Variants in ANKFN1 observed in about 807,000 individuals in gnomAD.
The protein encoded by ANKFN1 is ankyrin repeat and fibronectin type III domain containing 1, also known as ankyrin repeat and fibronectin type-III domain-containing protein 1.
ANKFN1 carries 74 observed loss-of-function variants against 108.7 expected under a neutral mutation model. The ratio of observed to expected loss-of-function variants is 0.68; its 90% CI spans 0.56 to 0.83. ANKFN1 has a LOEUF of 0.83. Ranked by LOEUF, ANKFN1 falls within the 40% of genes least tolerant of loss-of-function variation. ANKFN1 has a pLI of 0.00. For synonymous variants in ANKFN1, 547 were observed against 516.2 expected (o/e 1.06, Z -0.81); for missense variants, 1,505 against 1,382.3 (o/e 1.09, Z -1.41).
chr17:56,376,052 A>G (rs1444843878), intron 8 of ANKFN1, among the ~76,000 whole-genome samples: 1 of 152,218 alleles, frequency 6.6e-6, no homozygotes, highest in African/African-American at 2.4e-5. Flanking sequence ...CTAAAAGCTG[A>G]TAAAGCTCTC....
intron 3 of ANKFN1, among the ~76,000 whole-genome samples, chr17:56,300,082 T>C (rs2044630276): frequency 6.6e-6 from 1 of 152,212 alleles, no homozygotes; most frequent in Non-Finnish European, 1.5e-5. Flanking sequence ...TTAGACCTCA[T>C]GGAGCTCCGT....
At chr17:56,202,838 A>T (rs544885995) in intron 1 of ANKFN1, among the ~76,000 whole-genome samples, 2 of 152,390 alleles carry the variant, frequency 1.3e-5, no homozygotes, top group Non-Finnish European at 2.9e-5. Flanking sequence ...AAGAATGCTC[A>T]TTATCATCCA....
intron 20 of ANKFN1, among the ~76,000 whole-genome samples, chr17:56,506,055 T>C (rs1407839166): frequency 6.6e-6 from 1 of 152,122 alleles, no homozygotes; most frequent in Admixed American, 6.5e-5. Context: ...TTTTTTTTGT[T>C]TGTTTGTTTA....
intron 1 of ANKFN1, among the ~76,000 whole-genome samples, chr17:56,157,490 A>T (rs1391996325): frequency 6.6e-6 from 1 of 152,176 alleles, no homozygotes; most frequent in Non-Finnish European, 1.5e-5. Flanking sequence ...ATTCCCAGAG[A>T]CCACAGTTCA....
In ANKFN1 at chr17:56,189,744, C is replaced by A. The variant is rs373501204; in HGVS notation, c.-70-22854C>A. On this transcript the variant is annotated intron_variant, in intron 1 of 20. Coordinates refer to ENST00000682825, the MANE Select transcript of ANKFN1 (RefSeq NM_001370326.1). ...CAGGTTTCAGATATTAGGACTTGGA[C>A]ATCTTTGAGGGGGCTATGATTCAGC... is the stretch of plus-strand genomic sequence containing the variant. Among the ~76,000 whole-genome samples, 40 of 152,256 alleles carry A rather than the reference C, an allele frequency of 2.6e-4. No individual in the cohort carries two copies. The South Asian group carries it at 6.0e-3, about 23-fold the overall frequency.
At chr17:56,305,260 C>T (rs1808323689) in intron 3 of ANKFN1, among the ~76,000 whole-genome samples, 1 of 152,184 alleles carries the variant, frequency 6.6e-6, no homozygotes, top group Non-Finnish European at 1.5e-5. Context: ...CACTGGCTCC[C>T]TCCCATGACA....
chr17:56,387,997 T>C (rs777748317), intron 8 of ANKFN1, among the ~76,000 whole-genome samples: 3 of 152,208 alleles, frequency 2.0e-5, no homozygotes, highest in Non-Finnish European at 4.4e-5. Flanking sequence ...GAAAAGCTTA[T>C]AATGAAAAAT....
intron 8 of ANKFN1, among the ~76,000 whole-genome samples, chr17:56,431,363 G>A (rs2048748612): frequency 6.6e-6 from 1 of 152,154 alleles, no homozygotes; most frequent in Non-Finnish European, 1.5e-5. Context: ...GAAGCTGGTG[G>A]ATTTTCATTA....
chr17:56,161,719 GAA>G (rs1909668906), intron 1 of ANKFN1, among the ~76,000 whole-genome samples: 1 of 151,070 alleles, frequency 6.6e-6, no homozygotes, highest in Non-Finnish European at 1.5e-5. Flanking sequence ...CCTAGACAAG[GAA>G]AAGATTTTAC....
chr17:56,226,415 T>C (rs1313433848), intron 2 of ANKFN1, among the ~76,000 whole-genome samples: 5 of 152,122 alleles, frequency 3.3e-5, no homozygotes, highest in Non-Finnish European at 2.9e-5. Flanking sequence ...TGAGCCCCAC[T>C]CCTAACCACC....
intron 1 of ANKFN1, among the ~76,000 whole-genome samples, chr17:56,189,179 T>TTTTTTTTTTTG (rs1244013476): frequency 9.0e-6 from 1 of 111,376 alleles, no homozygotes; most frequent in African/African-American, 4.9e-5. Context: ...ACTTTTTTTT[T>TTTTTTTTTTTG]TTTTTTTTTG....
At chr17:56,373,921 A>G (rs1281665140) in intron 7 of ANKFN1, among the ~76,000 whole-genome samples, 1 of 152,240 alleles carries the variant, frequency 6.6e-6, no homozygotes, top group Non-Finnish European at 1.5e-5. Flanking sequence ...CGTGTTAAGC[A>G]ATACTAAAAG....
intron 4 of ANKFN1, among the ~76,000 whole-genome samples, chr17:56,077,191 C>T (rs767260695): frequency 6.6e-6 from 1 of 152,144 alleles, no homozygotes; most frequent in Non-Finnish European, 1.5e-5. Flanking sequence ...GAAGGGGATA[C>T]TTCTTCATCT....
intron 4 of ANKFN1, among the ~76,000 whole-genome samples, chr17:56,048,458 G>T (rs575851172): frequency 6.6e-6 from 1 of 152,144 alleles, no homozygotes; most frequent in Non-Finnish European, 1.5e-5. Context: ...ATTATCTAGA[G>T]CCTGATGCAC....
At chr17:56,208,231 G>A (rs1243468976) in intron 1 of ANKFN1, among the ~76,000 whole-genome samples, 7 of 152,152 alleles carry the variant, frequency 4.6e-5, no homozygotes, top group Admixed American at 4.6e-4. Flanking sequence ...ACCAACACCA[G>A]GCTGGTCTTA....
intron 4 of ANKFN1, among the ~76,000 whole-genome samples, chr17:56,050,936 A>C (rs1904763632): frequency 6.9e-6 from 1 of 144,634 alleles, no homozygotes; most frequent in Non-Finnish European, 1.5e-5. Context: ...ATAGTTTACC[A>C]ACCAAAAAGA....
At chr17:56,381,747 A>G (rs947911722) in intron 8 of ANKFN1, among the ~76,000 whole-genome samples, 1 of 152,202 alleles carries the variant, frequency 6.6e-6, no homozygotes, top group African/African-American at 2.4e-5. Context: ...AAAAGAATAA[A>G]AAGAAACGAA....
At chr17:56,063,721 A>G (rs566055459) in intron 4 of ANKFN1, among the ~76,000 whole-genome samples, 307 of 151,894 alleles carry the variant, frequency 2.0e-3, no homozygotes, top group Admixed American at 3.7e-3. Context: ...ATGGTTTTGT[A>G]TTACTCATCT....
At chr17:56,235,051 G>A (rs1306502085) in intron 3 of ANKFN1, among the ~76,000 whole-genome samples, 1 of 152,054 alleles carries the variant, frequency 6.6e-6, no homozygotes, top group Non-Finnish European at 1.5e-5. Context: ...CATTCTGACT[G>A]GTATGAGATG....
Sources: gnomAD v4.1 joint callset for allele counts (sites outside exome capture counted in the v4.1 genomes callset) on GRCh38, gnomAD v4.1.1 for gene constraint, MANE v1.5 for transcripts, NCBI Gene and HGNC (gene_info 2026-07-23, HGNC 2026-07-21) for gene names.